Variants in NEK1 observed in about 807,000 individuals in gnomAD.
The protein encoded by NEK1 is serine/threonine-protein kinase Nek1.
Under a neutral mutation model 182.1 loss-of-function variants are expected in NEK1, and 137 were observed. The observed-to-expected ratio is 0.75, with a 90% CI of 0.65 to 0.87. The LOEUF is 0.87. NEK1 is among the 40% of genes least tolerant of loss of function. NEK1 has a pLI of 0.00. For missense variants in NEK1, 1,391 were observed against 1,494.4 expected (o/e 0.93, Z 1.14); for synonymous variants, 513 against 492.2 (o/e 1.04, Z -0.56).
intron 13 of NEK1, 111 bp from the exon 14 acceptor site, chr4:169,562,002 T>TAAA (rs141863651): frequency 2.7e-4 from 231 of 857,158 alleles, no homozygotes; most frequent in South Asian, 2.5e-3. Context: ...GTTTTTTTTT[T>TAAA]AAAAAAAAAA....
intron 31 of NEK1, among the ~76,000 whole-genome samples, chr4:169,418,663 TG>T (rs1275237778): frequency 2.0e-5 from 3 of 151,838 alleles, no homozygotes; most frequent in Admixed American, 2.0e-4. Flanking sequence ...TAAGTAAACA[TG>T]AATACATACT....
At chr4:169,477,036 T>C (rs993999391) in intron 26 of NEK1, 88 bp downstream of exon 26, 37 of 851,876 alleles carry the variant, frequency 4.3e-5, no homozygotes, top group Non-Finnish European at 5.5e-5. Context: ...TCAATTCTTC[T>C]AAGTGTTCAT....
At chr4:169,464,658 A>G (rs1744597418) in intron 26 of NEK1, among the ~76,000 whole-genome samples, 1 of 152,262 alleles carries the variant, frequency 6.6e-6, no homozygotes, top group East Asian at 1.9e-4. Flanking sequence ...AAAAATAGAA[A>G]AAACTAAGAT....
intron 19 of NEK1, among the ~76,000 whole-genome samples, chr4:169,513,029 G>A (rs1754441338): frequency 6.6e-6 from 1 of 152,088 alleles, no homozygotes; most frequent in Admixed American, 6.5e-5. Flanking sequence ...ATCAGGAAGA[G>A]TTATTCTTCC....
At chr4:169,502,189 G>C (rs566833501) in intron 23 of NEK1, among the ~76,000 whole-genome samples, 54 of 150,556 alleles carry the variant, frequency 3.6e-4, no homozygotes, top group African/African-American at 1.2e-3. Flanking sequence ...ATTGAACTAG[G>C]AAGAAACTGA....
chr4:169,408,027 T>C (rs2111120359), intron 31 of NEK1, among the ~76,000 whole-genome samples: 1 of 152,358 alleles, frequency 6.6e-6, no homozygotes, highest in African/African-American at 2.4e-5. Flanking sequence ...ATTCACACTT[T>C]CCTTGTTTAT....
At position 169,556,084 on chromosome 4, in the gene NEK1, C is replaced by T. The variant is rs752431764; in HGVS notation, c.1278G>A (p.Leu426=). The part of the protein sequence containing the change: ...GGSGEVKAPF[L]GSGGTIAPSS... ...ATGGAGCTATAGTCCCTCCACTGCC[C>T]AGAAAAGGAGCCTAGGGATTAAACA... The change falls in exon 17 of 36, where the codon CTG becomes CTA. Residue 426 remains leucine (L), a synonymous_variant. Transcript: ENST00000507142. The T allele has an allele frequency of 1.8e-5, 29 of 1,612,104 alleles. No individual in the cohort carries two copies. In the African/African-American group the frequency reaches 3.3e-4, roughly 19 times the overall value.
chr4:169,499,811 C>T (rs1433042175), intron 23 of NEK1, among the ~76,000 whole-genome samples: 1 of 152,218 alleles, frequency 6.6e-6, no homozygotes, highest in Non-Finnish European at 1.5e-5. Flanking sequence ...TCTGCCCCTA[C>T]TGGGGGGTGC....
intron 23 of NEK1, among the ~76,000 whole-genome samples, chr4:169,497,334 G>A (rs1339156325): frequency 6.6e-6 from 1 of 151,958 alleles, no homozygotes; most frequent in Non-Finnish European, 1.5e-5. Context: ...TATCAATTTT[G>A]TTGATCTTTT....
intron 27 of NEK1, among the ~76,000 whole-genome samples, chr4:169,458,489 A>G (rs1743328039): frequency 6.6e-6 from 1 of 152,132 alleles, no homozygotes; most frequent in African/African-American, 2.4e-5. Flanking sequence ...GCACTTTGGG[A>G]GGCTGAAGCG....
chr4:169,478,491 T>C (rs1253825008), intron 24 of NEK1: 1 of 152,056 alleles, frequency 6.6e-6, no homozygotes, highest in African/African-American at 2.4e-5. Context: ...AAAGTCGTTA[T>C]CAGAAAGAAA....
chr4:169,561,992 GT>G lies in NEK1; in HGVS notation c.1081-102del, dbSNP rs34452581. 146,049 of 851,564 alleles carry G rather than the reference GT, an allele frequency of 0.17. 8,389 individuals carry two copies. The highest frequency in any genetic ancestry group is 0.41 in the African/African-American group (23,211 of 56,978). 52.8% of individuals were successfully genotyped at this position (851,564 alleles called of 1,614,324 possible). A position where few individuals can be genotyped will look rare whatever the true frequency, so the allele number is the denominator to read the frequency against. ...CAATGGCAGAGGTATGTTCAATGAG[GT>G]TTTTTTTTTAAAAAAAAAAAGAAGT... is the stretch of plus-strand genomic sequence containing the variant. On this transcript the variant is annotated intron_variant, in intron 13 of 35. Coordinates refer to ENST00000507142, the MANE Select transcript of NEK1 (RefSeq NM_001199397.3).
chr4:169,518,462 G>A (rs1279153862), intron 19 of NEK1, among the ~76,000 whole-genome samples: 2 of 131,342 alleles, frequency 1.5e-5, no homozygotes, highest in African/African-American at 6.8e-5. Context: ...ACCAGCTCCT[G>A]GATTCATTGA....
At position 169,612,058 on chromosome 4, in the gene NEK1, A is replaced by T. The variant is rs1387402990; in HGVS notation, c.-87T>A. 1 of 152,234 alleles carries T rather than the reference A, an allele frequency of 6.6e-6. No homozygotes were observed. Among genetic ancestry groups the T allele is most frequent in the Non-Finnish European group, 1.5e-5 (1 of 68,044 alleles). 9.4% of individuals were successfully genotyped at this position (152,234 alleles called of 1,614,324 possible). A position where few individuals can be genotyped will look rare whatever the true frequency, so the allele number is the denominator to read the frequency against. On this transcript the variant is annotated 5_prime_UTR_variant, in exon 2 of 36. Transcript: ENST00000507142. ...GACGTTAGTAGGAATAACGGTGATG[A>T]CTAATAAGCATCAGTCTAGGTGTGG...
At chr4:169,461,756 G>C (rs1052202761) in intron 27 of NEK1, among the ~76,000 whole-genome samples, 1 of 152,052 alleles carries the variant, frequency 6.6e-6, no homozygotes, top group African/African-American at 2.4e-5. Flanking sequence ...CATTAATTCT[G>C]AACTTTGTGG....
intron 19 of NEK1, among the ~76,000 whole-genome samples, chr4:169,531,707 A>G (rs980562824): frequency 6.6e-6 from 1 of 152,154 alleles, no homozygotes; most frequent in African/African-American, 2.4e-5. Context: ...TCAGAAGTCT[A>G]AGTGTAGTAA....
intron 32 of NEK1, among the ~76,000 whole-genome samples, chr4:169,404,539 C>G (rs1468716277): frequency 6.6e-6 from 1 of 151,952 alleles, no homozygotes; most frequent in Admixed American, 6.6e-5. Flanking sequence ...CAAGTTCTTT[C>G]CAAAGGTAAA....
At chr4:169,413,747 T>G (rs1734052658) in intron 31 of NEK1, among the ~76,000 whole-genome samples, 1 of 152,218 alleles carries the variant, frequency 6.6e-6, no homozygotes, top group South Asian at 2.1e-4. Context: ...CCAGGTGCGA[T>G]GGCTCACGCC....
At chr4:169,549,486 G>C (rs1761084281) in intron 18 of NEK1, among the ~76,000 whole-genome samples, 1 of 152,186 alleles carries the variant, frequency 6.6e-6, no homozygotes, top group South Asian at 2.1e-4. Flanking sequence ...GCAATGGCGT[G>C]ATCTCGGCTC....
Sources: allele counts gnomAD v4.1 joint callset (sites outside exome capture counted in the v4.1 genomes callset), GRCh38; gene constraint gnomAD v4.1.1; transcripts MANE v1.5; gene names NCBI Gene and HGNC (gene_info 2026-07-23, HGNC 2026-07-21).